Variants in TNS3 observed in about 807,000 individuals in gnomAD.
TNS3 encodes the protein tensin-3.
TNS3 carries 45 observed loss-of-function variants against 140.9 expected under a neutral mutation model. The ratio of observed to expected loss-of-function variants is 0.32; its 90% CI spans 0.25 to 0.41. The LOEUF (loss-of-function observed/expected upper bound fraction) is 0.41, where lower values mean the gene tolerates loss of function less well. TNS3 is among the 10% of genes least tolerant of loss of function. The pLI, the probability that TNS3 is intolerant of heterozygous loss-of-function variation, is 1.00. For missense variants in TNS3, 1,716 were observed against 1,906.7 expected (o/e 0.90, Z 1.86); for synonymous variants, 815 against 788.4 (o/e 1.03, Z -0.56).
At chr7:47,528,984 T>C in intron 2 of TNS3, 52 bp downstream of exon 2, 1 of 1,121,714 alleles carries the variant, frequency 8.9e-7, no homozygotes, top group Non-Finnish European at 1.2e-6. Flanking sequence ...TTTTGTTTCT[T>C]GTTTGTTTTG....
At chr7:47,299,876 T>TGAGGG (rs1718247272) in intron 23 of TNS3, among the ~76,000 whole-genome samples, 1 of 152,188 alleles carries the variant, frequency 6.6e-6, no homozygotes, top group Non-Finnish European at 1.5e-5. Context: ...GAGACAGGGA[T>TGAGGG]GAGGGGAGGG....
At chr7:47,508,487 G>A (rs531308098) in intron 2 of TNS3, among the ~76,000 whole-genome samples, 2 of 152,216 alleles carry the variant, frequency 1.3e-5, no homozygotes, top group Non-Finnish European at 2.9e-5. Context: ...GCAGAGGCCA[G>A]CACAAAGGAC....
rs1795498929 is a variant in TNS3, at chr7:47,442,187, C to T, written c.-75-132G>A. ...ATAAACAGCAAGTCAATCGTAACTA[C>T]AAGCCCACCTTATCACCTCAGAAGG... On this transcript the variant is annotated intron_variant, in intron 4 of 30. Transcript: ENST00000311160. 1.2e-5 allele frequency: 6 copies of T among 487,896 alleles called. No homozygotes were observed. In the Admixed American group the frequency reaches 2.3e-4, roughly 19 times the overall value. The allele number at this position is 487,896 out of a possible 1,614,324, so 30.2% of individuals were successfully genotyped here.
intron 16 of TNS3, among the ~76,000 whole-genome samples, chr7:47,389,029 A>G (rs796824808): frequency 0.055 from 577 of 10,408 alleles, 44 homozygotes; most frequent in Non-Finnish European, 0.084. Context: ...AAGAAGAAGA[A>G]GAAGAAGAAG....
chr7:47,409,786 T>C (rs950047118), intron 13 of TNS3, among the ~76,000 whole-genome samples: 5 of 152,080 alleles, frequency 3.3e-5, no homozygotes, highest in Admixed American at 3.3e-4. Context: ...GCCTCCTGAG[T>C]AGGTGGGACT....
intron 27 of TNS3, among the ~76,000 whole-genome samples, chr7:47,288,164 T>C (rs1181106457): frequency 1.3e-5 from 2 of 152,182 alleles, no homozygotes; most frequent in Non-Finnish European, 2.9e-5. Flanking sequence ...GGCAGGGCTG[T>C]GTCCCTGAGA....
chr7:47,501,194 G>T (rs746361585), intron 3 of TNS3, among the ~76,000 whole-genome samples: 1 of 56,104 alleles, frequency 1.8e-5, no homozygotes, highest in African/African-American at 7.0e-5. Context: ...GGAAGGGAGG[G>T]AGGGAGGGAG....
intron 1 of TNS3, among the ~76,000 whole-genome samples, chr7:47,578,973 T>TCACA (rs200053152): frequency 9.2e-5 from 14 of 151,552 alleles, no homozygotes; most frequent in Admixed American, 9.2e-4. Flanking sequence ...CTCAGCGTTT[T>TCACA]AGGAGCAGTG....
Position 47,344,790 on chromosome 7 carries a change from A to G in TNS3, c.2615T>C (p.Leu872Pro), listed in dbSNP as rs759904544. The change falls in exon 20 of 31, where the codon CTG becomes CCG. Residue 872 changes from leucine (L) to proline (P), a missense_variant. Around this residue, in one of 3 missense-constraint regions of TNS3, gnomAD observed 1,163 missense variants for 1,182.1 expected, o/e 0.98. Transcript: ENST00000311160. ...TTTGTGCTGACTGGCTGGGCTGCTC[A>G]GCGGGGGCTCAGGTGGGCTGAACGG... The part of the protein sequence containing the change: ...HPPFSPPEPP[L>P]SSPASQHKGG... The G allele has an allele frequency of 6.2e-7, 1 of 1,613,292 alleles. No homozygotes were observed. Among genetic ancestry groups the G allele is most frequent in the Non-Finnish European group, 8.5e-7 (1 of 1,179,988 alleles).
Position 47,374,030 on chromosome 7 carries a change from G to A in TNS3, c.1025-4409C>T, listed in dbSNP as rs527819775. ...CCAGGTCCAGCCATCCGTGAGAGGCGGGAGCAGGGCAGCCATCACTACTGA... is the reference window on the plus strand; with the variant it reads ...CCAGGTCCAGCCATCCGTGAGAGGCAGGAGCAGGGCAGCCATCACTACTGA... On this transcript the variant is annotated intron_variant, in intron 16 of 30. Transcript: ENST00000311160. Among the ~76,000 whole-genome samples, 270 of 152,304 alleles carry A rather than the reference G, an allele frequency of 1.8e-3. 3 individuals carry two copies. The highest frequency in any genetic ancestry group is 6.1e-3 in the African/African-American group (255 of 41,556).
At chr7:47,503,573 A>G (rs919696707) in intron 3 of TNS3, among the ~76,000 whole-genome samples, 1 of 131,396 alleles carries the variant, frequency 7.6e-6, no homozygotes, top group African/African-American at 2.9e-5. Flanking sequence ...GATTGTACAT[A>G]CATTATGTGA....
chr7:47,311,018 G>T (rs570335951), intron 20 of TNS3, among the ~76,000 whole-genome samples: 1 of 54,780 alleles, frequency 1.8e-5, no homozygotes, highest in African/African-American at 6.3e-5. Flanking sequence ...TGAATAGTTC[G>T]CAATAAGCAT....
Position 47,365,737 on chromosome 7 carries a change from G to A in TNS3, c.2281+2628C>T, listed in dbSNP as rs539843173. Among the ~76,000 whole-genome samples the A allele has an allele frequency of 2.6e-5, 4 of 152,104 alleles. No individual in the cohort carries two copies. In the East Asian group the frequency reaches 7.7e-4, roughly 29 times the overall value. On this transcript the variant is annotated intron_variant, in intron 17 of 30. Coordinates refer to ENST00000311160, the MANE Select transcript of TNS3 (RefSeq NM_022748.12). ...ATCACGCCATTGCACTCCAGCTTGGGCGACAGAGTGAGACTCTGTCTCAAA... is the reference window on the plus strand; with the variant it reads ...ATCACGCCATTGCACTCCAGCTTGGACGACAGAGTGAGACTCTGTCTCAAA...
At chr7:47,497,207 G>T (rs1043814167) in intron 3 of TNS3, among the ~76,000 whole-genome samples, 1 of 152,110 alleles carries the variant, frequency 6.6e-6, no homozygotes, top group Non-Finnish European at 1.5e-5. Context: ...TTATGCTAGC[G>T]GTAGGCAACA....
chr7:47,564,635 C>CAAAAAAAAAAAAAAAAAAAAAA (rs749603752), intron 1 of TNS3, among the ~76,000 whole-genome samples: 2 of 30,210 alleles, frequency 6.6e-5, no homozygotes, highest in Admixed American at 4.7e-4. Flanking sequence ...GACTCCGTCT[C>CAAAAAAAAAAAAAAAAAAAAAA]AAAAAAAAAA....
chr7:47,292,565 A>G lies in TNS3; in HGVS notation c.3850+263T>C, dbSNP rs113088436. The stretch of plus-strand genomic sequence containing the variant: ...TTTGTCTGAGGGTTTTATATTTTTA[A>G]ACTACAGAATCTTTGCTCTATAGAA... On this transcript the variant is annotated intron_variant, in intron 26 of 30. Transcript: ENST00000311160. 1.4e-4 allele frequency among the ~76,000 whole-genome samples: 22 copies of G among 152,368 alleles called. 1 individual carries two copies. The highest frequency in any genetic ancestry group is 5.3e-4 in the African/African-American group (22 of 41,582).
rs1031437511 is a variant in TNS3, at chr7:47,551,062, G to A, written c.-264-21915C>T. Among the ~76,000 whole-genome samples, 5 of 152,264 alleles carry A rather than the reference G, an allele frequency of 3.3e-5. No homozygotes were observed. In the East Asian group the frequency reaches 9.7e-4, roughly 29 times the overall value. On this transcript the variant is annotated intron_variant, in intron 1 of 30. Transcript: ENST00000311160. Reference sequence around the variant, plus strand: ...AGGGGCTCAGCCTCTTGGGAGCCTGGGTGAATAGCATTCACCAGACCTGTG... The same window carrying A: ...AGGGGCTCAGCCTCTTGGGAGCCTGAGTGAATAGCATTCACCAGACCTGTG...
At chr7:47,411,313 T>C (rs973328391) in intron 13 of TNS3, among the ~76,000 whole-genome samples, 6 of 152,258 alleles carry the variant, frequency 3.9e-5, no homozygotes, top group African/African-American at 1.4e-4. Flanking sequence ...CACCAGGGAC[T>C]GGTTTCACAG....
At chr7:47,286,647 C>A (rs1020470194) in intron 27 of TNS3, among the ~76,000 whole-genome samples, 5 of 152,076 alleles carry the variant, frequency 3.3e-5, no homozygotes, top group African/African-American at 1.2e-4. Flanking sequence ...AAGTCTGAGG[C>A]CCACATGTGG....
Sources: allele counts gnomAD v4.1 joint callset (sites outside exome capture counted in the v4.1 genomes callset), GRCh38; gene constraint gnomAD v4.1.1; regional missense constraint gnomAD v4.1.1; transcripts MANE v1.5; gene names NCBI Gene and HGNC (gene_info 2026-07-23, HGNC 2026-07-21).